The following CCNY variants were observed in gnomAD, a reference collection of about 807,000 sequenced individuals.
CCNY encodes the protein cyclin-Y.
In CCNY, 19 loss-of-function variants were observed where a neutral mutation model predicts 42.8. The ratio of observed to expected loss-of-function variants is 0.44; its 90% CI spans 0.31 to 0.65. The LOEUF (loss-of-function observed/expected upper bound fraction) is 0.65. CCNY is among the 30% of genes least tolerant of loss of function. The pLI is 0.07. For synonymous variants in CCNY, 165 were observed against 162.7 expected, an observed-to-expected ratio of 1.01 and a Z score of -0.11; for missense variants, 370 against 437.3, an observed-to-expected ratio of 0.85 and a Z score of 1.37.
intron 3 of CCNY, among the ~76,000 whole-genome samples, chr10:35,319,031 C>T (rs968902056): frequency 5.6e-4 from 85 of 152,264 alleles, no homozygotes; most frequent in African/African-American, 1.9e-3. Context: ...GGCGGGATCA[C>T]GGCTCACCGA....
chr10:35,396,026 C>T lies in CCNY; in HGVS notation c.154+58819C>T, dbSNP rs1283308269. Among the ~76,000 whole-genome samples, 8 of 152,038 alleles carry T rather than the reference C, an allele frequency of 5.3e-5. No individual in the cohort carries two copies. The South Asian group carries it at 8.3e-4, about 16-fold the overall frequency. On this transcript the variant is annotated intron_variant, in intron 1 of 9. Coordinates refer to ENST00000374704, the MANE Select transcript of CCNY (RefSeq NM_145012.6). The stretch of plus-strand genomic sequence containing the variant: ...GTTACTGTGTTATGCTGTGGTGGCT[C>T]CCTCTTTTTGCCTCTGTGAATGGTG...
intron 7 of CCNY, among the ~76,000 whole-genome samples, chr10:35,539,128 C>G (rs759612063): frequency 9.9e-5 from 15 of 152,080 alleles, no homozygotes; most frequent in Non-Finnish European, 1.8e-4. Context: ...TATGTATTTC[C>G]TTATATCAGT....
At chr10:35,363,409 C>T (rs1836742754) in intron 1 of CCNY, among the ~76,000 whole-genome samples, 2 of 149,990 alleles carry the variant, frequency 1.3e-5, no homozygotes, top group Non-Finnish European at 2.9e-5. Flanking sequence ...AGAGGTGCTC[C>T]TCTCTTCCCA....
chr10:35,339,204 A>G (rs1430331396), intron 1 of CCNY, among the ~76,000 whole-genome samples: 4 of 152,362 alleles, frequency 2.6e-5, no homozygotes, highest in Non-Finnish European at 4.4e-5. Context: ...TGACCCAGCC[A>G]GCAGTTCTCA....
chr10:35,431,211 A>G (rs1229162596), intron 1 of CCNY, among the ~76,000 whole-genome samples: 2 of 152,026 alleles, frequency 1.3e-5, no homozygotes, highest in African/African-American at 2.4e-5. Context: ...TCAGAGAAGC[A>G]TAATTTAAAT....
rs927154401 is a variant in CCNY at position 35,571,311 on chromosome 10, A to G, written c.*2141A>G. On this transcript the variant is annotated 3_prime_UTR_variant, in exon 10 of 10. Coordinates refer to ENST00000374704, the MANE Select transcript of CCNY (RefSeq NM_145012.6). ...GCTATTATTTTGTGGAGTTTATTAA[A>G]CTACTTTAAAAAAATTGTATAGTCT... The G allele has an allele frequency of 6.6e-6, 1 of 151,752 alleles. No individual in the cohort carries two copies. The highest frequency in any genetic ancestry group is 1.5e-5 in the Non-Finnish European group (1 of 67,774). 9.4% of individuals were successfully genotyped at this position (151,752 alleles called of 1,614,324 possible).
At chr10:35,447,392 C>T (rs1030754286) in intron 1 of CCNY, among the ~76,000 whole-genome samples, 22 of 152,154 alleles carry the variant, frequency 1.4e-4, no homozygotes, top group Non-Finnish European at 2.2e-4. Flanking sequence ...CTAGCGATAA[C>T]GTGGTAAGCC....
At chr10:35,404,847 A>G (rs975574291) in intron 1 of CCNY, among the ~76,000 whole-genome samples, 3 of 152,156 alleles carry the variant, frequency 2.0e-5, no homozygotes, top group Admixed American at 1.3e-4. Flanking sequence ...TGACTGAAGT[A>G]GTAGGGGCTG....
intron 3 of CCNY, among the ~76,000 whole-genome samples, chr10:35,268,460 G>C (rs966908553): frequency 6.6e-6 from 1 of 152,172 alleles, no homozygotes; most frequent in Non-Finnish European, 1.5e-5. Context: ...TGGTTTTGCT[G>C]AGCACAGTGT....
chr10:35,470,495 A>G (rs1232380736), intron 1 of CCNY, among the ~76,000 whole-genome samples: 1 of 152,252 alleles, frequency 6.6e-6, no homozygotes, highest in African/African-American at 2.4e-5. Flanking sequence ...AGAGACACAC[A>G]CTTGCAAAGA....
chr10:35,565,984 G>A, intron 8 of CCNY, 39 bp from the exon 9 acceptor site: 3 of 1,583,892 alleles, frequency 1.9e-6, no homozygotes, highest in Non-Finnish European at 2.6e-6. Flanking sequence ...GGCCTGGTGT[G>A]GCAGCTAAGC....
At chr10:35,395,846 G>A (rs779783216) in intron 1 of CCNY, among the ~76,000 whole-genome samples, 1 of 152,214 alleles carries the variant, frequency 6.6e-6, no homozygotes, top group African/African-American at 2.4e-5. Flanking sequence ...CTCTGAGGCT[G>A]GGTTTAGGGC....
At chr10:35,362,226 A>T (rs567285124) in intron 1 of CCNY, among the ~76,000 whole-genome samples, 18 of 152,358 alleles carry the variant, frequency 1.2e-4, no homozygotes, top group Admixed American at 3.9e-4. Context: ...GCAGCATGTG[A>T]TACATACTAT....
chr10:35,414,932 A>G (rs1837993269), intron 1 of CCNY, among the ~76,000 whole-genome samples: 2 of 152,144 alleles, frequency 1.3e-5, no homozygotes, highest in Non-Finnish European at 2.9e-5. Context: ...TTTGAGAGTG[A>G]CCCTGCTCTG....
chr10:35,286,287 A>G (rs1835353643), intron 3 of CCNY, among the ~76,000 whole-genome samples: 1 of 149,906 alleles, frequency 6.7e-6, no homozygotes, highest in Non-Finnish European at 1.5e-5. Context: ...CTTTTTATTT[A>G]TTTAGTGGTA....
intron 1 of CCNY, among the ~76,000 whole-genome samples, chr10:35,384,413 A>G (rs1336342460): frequency 6.6e-6 from 1 of 152,218 alleles, no homozygotes; most frequent in Non-Finnish European, 1.5e-5. Flanking sequence ...GTAAATCAAC[A>G]CTTTACCTAG....
At chr10:35,546,986 C>T (rs769276230) in intron 7 of CCNY, among the ~76,000 whole-genome samples, 1 of 152,154 alleles carries the variant, frequency 6.6e-6, no homozygotes, top group Non-Finnish European at 1.5e-5. Context: ...TCTTTTTCTG[C>T]TGCTTTAATG....
intron 8 of CCNY, among the ~76,000 whole-genome samples, chr10:35,553,954 A>G (rs1318344989): frequency 6.6e-6 from 1 of 152,224 alleles, no homozygotes; most frequent in Admixed American, 6.5e-5. Flanking sequence ...ACAATCAGAT[A>G]GCACTACTTG....
chr10:35,358,468 T>C (rs911293823), intron 1 of CCNY, among the ~76,000 whole-genome samples: 3 of 152,222 alleles, frequency 2.0e-5, no homozygotes, highest in Non-Finnish European at 4.4e-5. Flanking sequence ...CTGTACTGCA[T>C]ATAGGAACAA....
Sources: gnomAD v4.1 joint callset for allele counts (sites outside exome capture counted in the v4.1 genomes callset) on GRCh38, gnomAD v4.1.1 for gene constraint, MANE v1.5 for transcripts, NCBI Gene and HGNC (gene_info 2026-07-23, HGNC 2026-07-21) for gene names.